Variants in GRIK1 observed in about 807,000 individuals in gnomAD.
GRIK1 encodes the protein glutamate receptor ionotropic, kainate 1.
In GRIK1, 69 loss-of-function variants were observed where a neutral mutation model predicts 105.7. The ratio of observed to expected loss-of-function variants is 0.65; its 90% CI spans 0.54 to 0.80. The LOEUF (loss-of-function observed/expected upper bound fraction) is 0.80, where lower values mean the gene tolerates loss of function less well. Ranked by LOEUF, GRIK1 falls within the 30% of genes least tolerant of loss-of-function variation. The pLI is 0.00. For missense variants in GRIK1, 1,109 were observed against 1,167.3 expected (o/e 0.95, Z 0.73); for synonymous variants, 438 against 431.3 (o/e 1.02, Z -0.19).
At chr21:29,697,993 T>G (rs922852874) in intron 1 of GRIK1, among the ~76,000 whole-genome samples, 5 of 150,636 alleles carry the variant, frequency 3.3e-5, no homozygotes, top group African/African-American at 1.2e-4. Context: ...CTTTCTTTCT[T>G]TCTCTTTCTT....
At chr21:29,765,022 T>C (rs1364246671) in intron 1 of GRIK1, among the ~76,000 whole-genome samples, 2 of 152,174 alleles carry the variant, frequency 1.3e-5, no homozygotes, top group African/African-American at 2.4e-5. Flanking sequence ...TAGGTTGAAA[T>C]AAAACATGAT....
At chr21:29,734,395 T>TTGAGA in intron 1 of GRIK1, among the ~76,000 whole-genome samples, 1 of 84,144 alleles carries the variant, frequency 1.2e-5, no homozygotes, top group African/African-American at 3.6e-5. Context: ...TCTTTTCTTT[T>TTGAGA]CTTTTCTTTT....
rs563846023 is a variant in GRIK1, at chr21:29,681,382, G to A, written c.545-8218C>T. ...ACCTACAAGGCCCTCCTCTCTGACC[G>A]TCTCTTCTATCTCCCCTCCCCTCTT... is the stretch of plus-strand genomic sequence containing the variant. On this transcript the variant is annotated intron_variant, in intron 3 of 17. Coordinates refer to ENST00000327783, the MANE Select transcript of GRIK1 (RefSeq NM_001330994.2). 7.9e-4 allele frequency among the ~76,000 whole-genome samples: 120 copies of A among 152,124 alleles called. 1 individual carries two copies. The South Asian group carries it at 0.02, about 26-fold the overall frequency.
In GRIK1 at chr21:29,590,941, G is replaced by A. The variant is rs144492111; in HGVS notation, c.1365+171C>T. Among the ~76,000 whole-genome samples, 53 of 152,264 alleles carry A rather than the reference G, an allele frequency of 3.5e-4. No individual in the cohort carries two copies. The East Asian group carries it at 7.5e-3, about 22-fold the overall frequency. On this transcript the variant is annotated intron_variant, in intron 10 of 17. Coordinates refer to ENST00000327783, the MANE Select transcript of GRIK1 (RefSeq NM_001330994.2). The stretch of plus-strand genomic sequence containing the variant: ...AGATCTTCAGAACAACGTTGGAAGC[G>A]TCTAATTCAATCTTCCTGTAAGTAT...
intron 7 of GRIK1, among the ~76,000 whole-genome samples, chr21:29,605,050 A>T (rs2061585821): frequency 6.6e-6 from 1 of 151,736 alleles, no homozygotes; most frequent in Non-Finnish European, 1.5e-5. Flanking sequence ...CTGAAAGGGA[A>T]TTTTTTTTTC....
chr21:29,881,877 A>T lies in GRIK1; in HGVS notation c.118+57506T>A, dbSNP rs150327501. Among the ~76,000 whole-genome samples, 314 of 152,150 alleles carry T rather than the reference A, an allele frequency of 2.1e-3. 2 individuals carry two copies. Among genetic ancestry groups the T allele is most frequent in the African/African-American group, 6.6e-3 (273 of 41,458 alleles). On this transcript the variant is annotated intron_variant, in intron 1 of 17. Transcript: ENST00000327783. ...ATATTTAATTTGTAAAAAATAAAAG[A>T]CAATCTTTTACAATTGACACATTTC...
chr21:29,769,125 T>C (rs924084340), intron 1 of GRIK1, among the ~76,000 whole-genome samples: 2 of 152,140 alleles, frequency 1.3e-5, no homozygotes, highest in African/African-American at 2.4e-5. Flanking sequence ...GCCTGGCTAC[T>C]AGTAGGTGTT....
chr21:29,925,856 T>A (rs2071352439), intron 1 of GRIK1, among the ~76,000 whole-genome samples: 1 of 152,178 alleles, frequency 6.6e-6, no homozygotes, highest in Admixed American at 6.5e-5. Flanking sequence ...TTAGTCTTCT[T>A]CCCTTGTATG....
chr21:29,769,603 C>T (rs1459165941), intron 1 of GRIK1, among the ~76,000 whole-genome samples: 3 of 152,098 alleles, frequency 2.0e-5, no homozygotes, highest in Non-Finnish European at 4.4e-5. Context: ...TGACAAGAGG[C>T]GGAGCTCAGG....
At chr21:29,879,332 C>G (rs1057391426) in intron 1 of GRIK1, among the ~76,000 whole-genome samples, 1 of 151,992 alleles carries the variant, frequency 6.6e-6, no homozygotes, top group African/African-American at 2.4e-5. Context: ...GAGCTGCCAA[C>G]TGTGGTACCC....
At chr21:29,560,364 T>TTCCTTC (rs2090394173) in intron 15 of GRIK1, among the ~76,000 whole-genome samples, 3 of 35,928 alleles carry the variant, frequency 8.4e-5, no homozygotes, top group African/African-American at 3.8e-4. Context: ...TCTTTTTCTT[T>TTCCTTC]CTTCCTTCCT....
At chr21:29,691,129 G>C (rs901655181) in intron 2 of GRIK1, among the ~76,000 whole-genome samples, 1 of 150,980 alleles carries the variant, frequency 6.6e-6, no homozygotes, top group African/African-American at 2.5e-5. Flanking sequence ...TGGCCATCAT[G>C]GTGAAACCCC....
At chr21:29,768,458 A>G (rs1317195981) in intron 1 of GRIK1, among the ~76,000 whole-genome samples, 1 of 152,160 alleles carries the variant, frequency 6.6e-6, no homozygotes, top group Non-Finnish European at 1.5e-5. Context: ...GCTGTCCACC[A>G]CTATAAATAC....
chr21:29,813,454 C>T (rs761297275), intron 1 of GRIK1, among the ~76,000 whole-genome samples: 2 of 152,170 alleles, frequency 1.3e-5, no homozygotes, highest in Admixed American at 6.6e-5. Context: ...CTGGGAAAAT[C>T]CAATCATTAT....
At chr21:29,574,357 T>A (rs117339602) in intron 14 of GRIK1, among the ~76,000 whole-genome samples, 7,875 of 152,326 alleles carry the variant, frequency 0.052, 285 homozygotes, top group Non-Finnish European at 0.075. Context: ...CTTCTCTGCC[T>A]TCTGCTAGCC....
At chr21:29,843,193 G>A (rs1324318927) in intron 1 of GRIK1, among the ~76,000 whole-genome samples, 1 of 152,152 alleles carries the variant, frequency 6.6e-6, no homozygotes, top group Non-Finnish European at 1.5e-5. Flanking sequence ...ATTGGTGAAT[G>A]ATGGTTGCTA....
At position 29,695,476 on chromosome 21, in the gene GRIK1, C is replaced by CTA. The variant is rs146618561; in HGVS notation, c.119-1415_119-1414dup. Among the ~76,000 whole-genome samples the CTA allele has an allele frequency of 6.4e-3, 902 of 140,002 alleles. 10 individuals are homozygous for CTA. The highest frequency in any genetic ancestry group is 0.029 in the East Asian group (127 of 4,370). 91.8% of individuals were successfully genotyped at this position (140,002 alleles called of 152,430 possible). ...TCTATCTATCTATCTATCTATCTAT[C>CTA]TATATATATATATTTTGAGATGGAG... On this transcript the variant is annotated intron_variant, in intron 1 of 17. Transcript: ENST00000327783.
In GRIK1 at chr21:29,618,274, C is replaced by T. The variant is rs536447113; in HGVS notation, c.1099-19337G>A. Among the ~76,000 whole-genome samples, 12 of 152,242 alleles carry T rather than the reference C, an allele frequency of 7.9e-5. No individual in the cohort carries two copies. In the South Asian group the frequency reaches 2.1e-3, roughly 26 times the overall value. On this transcript the variant is annotated intron_variant, in intron 7 of 17. Transcript: ENST00000327783. ...TTTGATTCACTGAGGGCAGGGCATT[C>T]GGGCTTCATGAATGCAAATCCAAAC... is the stretch of plus-strand genomic sequence containing the variant.
At chr21:29,560,135 T>C (rs1390347991) in intron 15 of GRIK1, among the ~76,000 whole-genome samples, 1 of 152,300 alleles carries the variant, frequency 6.6e-6, no homozygotes, top group African/African-American at 2.4e-5. Context: ...ACGATATGGC[T>C]TGACTGTTAG....
Sources: allele counts gnomAD v4.1 joint callset (sites outside exome capture counted in the v4.1 genomes callset), GRCh38; gene constraint gnomAD v4.1.1; transcripts MANE v1.5; gene names NCBI Gene and HGNC (gene_info 2026-07-23, HGNC 2026-07-21).